Variants in VAT1L observed in about 807,000 individuals in gnomAD.
VAT1L encodes vesicle amine transport 1 like.
Under a neutral mutation model 44.1 loss-of-function variants are expected in VAT1L, and 34 were observed. The observed-to-expected ratio is 0.77, with a 90% confidence interval of 0.59 to 1.03. The LOEUF is 1.03. VAT1L is among the 50% of genes least tolerant of loss of function. VAT1L has a pLI of 0.00. For synonymous variants in VAT1L, 253 were observed against 202.2 expected (o/e 1.25, Z -2.13); for missense variants, 615 against 538.8 (o/e 1.14, Z -1.40).
At chr16:77,961,425 C>G (rs2018159092) in intron 7 of VAT1L, among the ~76,000 whole-genome samples, 1 of 152,162 alleles carries the variant, frequency 6.6e-6, no homozygotes, top group South Asian at 2.1e-4. Flanking sequence ...ACTCCTGGCT[C>G]TCAGATCCCT....
chr16:77,860,799 G>A (rs1179959103), intron 3 of VAT1L, among the ~76,000 whole-genome samples: 1 of 152,202 alleles, frequency 6.6e-6, no homozygotes, highest in Non-Finnish European at 1.5e-5. Context: ...AGCCTGTCCA[G>A]AGTCTCAGGT....
At chr16:77,864,352 G>A (rs138256180) in intron 4 of VAT1L, among the ~76,000 whole-genome samples, 1 of 152,292 alleles carries the variant, frequency 6.6e-6, no homozygotes, top group African/African-American at 2.4e-5. Context: ...CAGCACTTTG[G>A]GAGGCCAAGG....
At position 77,923,955 on chromosome 16, in the gene VAT1L, C is replaced by A. The variant is rs763556206; in HGVS notation, c.1077+39153C>A. On this transcript the variant is annotated intron_variant, in intron 7 of 8. Transcript: ENST00000302536. ...CATGGTCTGGGGTCTGCCTTCCCCC[C>A]CTCCCTTCCCCCAGTAAAGATGAGG... Among the ~76,000 whole-genome samples the A allele has an allele frequency of 1.4e-4, 21 of 152,182 alleles. 1 individual carries two copies. Among genetic ancestry groups the A allele is most frequent in the East Asian group, 1.4e-3 (7 of 5,166 alleles).
intron 7 of VAT1L, among the ~76,000 whole-genome samples, chr16:77,959,933 C>G (rs2018144002): frequency 1.3e-5 from 2 of 152,076 alleles, no homozygotes; most frequent in African/African-American, 4.8e-5. Context: ...AGGCCATTGG[C>G]TTTTTTCAGT....
intron 7 of VAT1L, among the ~76,000 whole-genome samples, chr16:77,889,619 A>T (rs150672030): frequency 5.6e-4 from 86 of 152,384 alleles, no homozygotes; most frequent in Non-Finnish European, 9.7e-4. Context: ...ATCCTATTTT[A>T]GAATATAAAA....
chr16:77,962,003 G>A (rs868303821), intron 7 of VAT1L, among the ~76,000 whole-genome samples: 29 of 152,244 alleles, frequency 1.9e-4, no homozygotes, highest in African/African-American at 6.3e-4. Context: ...GAGTATCATA[G>A]TCCTCCTGGT....
Position 77,836,678 on chromosome 16 carries a change from A to G in VAT1L, c.579+11217A>G, listed in dbSNP as rs192510874. On this transcript the variant is annotated intron_variant, in intron 3 of 8. Transcript: ENST00000302536. ...TCATAGCAGCAAAATGCCTTAGGTT[A>G]AAAATATGTAAATATATAGATCTAA... 1.1e-3 allele frequency among the ~76,000 whole-genome samples: 160 copies of G among 152,334 alleles called. 1 individual carries two copies. Among genetic ancestry groups the G allele is most frequent in the Non-Finnish European group, 1.7e-3 (116 of 68,040 alleles).
intron 7 of VAT1L, among the ~76,000 whole-genome samples, chr16:77,964,162 C>G (rs747539070): frequency 3.7e-4 from 57 of 152,282 alleles, no homozygotes; most frequent in Middle Eastern, 3.4e-3. Flanking sequence ...TTGCTCAGCT[C>G]TTTCTGTGGC....
At chr16:77,944,010 T>C (rs919335866) in intron 7 of VAT1L, among the ~76,000 whole-genome samples, 21 of 152,142 alleles carry the variant, frequency 1.4e-4, no homozygotes, top group African/African-American at 5.1e-4. Context: ...CTCCCATTTC[T>C]AACGCTACAT....
At chr16:77,802,230 A>G (rs1246802589) in intron 1 of VAT1L, among the ~76,000 whole-genome samples, 1 of 152,026 alleles carries the variant, frequency 6.6e-6, no homozygotes. Context: ...TTCCTTTTGT[A>G]TCCTTAAGAT....
In VAT1L at chr16:77,952,337, G is replaced by C. The variant is rs538318848; in HGVS notation, c.1078-19513G>C. 3.8e-4 allele frequency among the ~76,000 whole-genome samples: 58 copies of C among 152,296 alleles called. 1 individual carries two copies. The highest frequency in any genetic ancestry group is 1.3e-3 in the African/African-American group (55 of 41,572). ...GTGAAATGTAATCCCCAACGTTGGA[G>C]ATGGGGCCTAGTGGGAGGTGTTCGG... On this transcript the variant is annotated intron_variant, in intron 7 of 8. Transcript: ENST00000302536.
chr16:77,968,850 G>C (rs1053536767), intron 7 of VAT1L, among the ~76,000 whole-genome samples: 3 of 151,762 alleles, frequency 2.0e-5, no homozygotes, highest in Non-Finnish European at 2.9e-5. Context: ...AGACAGTCTC[G>C]CTCTGTTGCC....
intron 7 of VAT1L, among the ~76,000 whole-genome samples, chr16:77,885,866 G>T (rs973018743): frequency 1.3e-5 from 2 of 152,112 alleles, no homozygotes; most frequent in African/African-American, 4.8e-5. Flanking sequence ...CTCTTTGGGG[G>T]TCACTGTATA....
At position 77,971,947 on chromosome 16, in the gene VAT1L, A is replaced by G. The variant is rs2018282813; in HGVS notation, c.1161+14A>G. 1 of 1,611,934 alleles carries G rather than the reference A, an allele frequency of 6.2e-7. No individual in the cohort carries two copies. The highest frequency in any genetic ancestry group is 1.3e-5 in the African/African-American group (1 of 74,884). ...CCAACTCCACTGGTGAGTGAAAAGC[A>G]GAGGAGTCTGTTCAGTTCCACGCGA... On this transcript the variant is annotated intron_variant, in intron 8 of 8. Transcript: ENST00000302536.
At position 77,879,287 on chromosome 16, in the gene VAT1L, GT is replaced by G; in HGVS notation, c.882+68del. On this transcript the variant is annotated intron_variant, in intron 6 of 8. Coordinates refer to ENST00000302536, the MANE Select transcript of VAT1L (RefSeq NM_020927.3). This position sits in a 1 kb window ranked among gnomAD's most constrained non-coding sequence, Gnocchi z 4.1. The stretch of plus-strand genomic sequence containing the variant: ...TGTTGATTCACATGTTGAGAGCTTT[GT>G]TTTTGTTTGTTTGTTTGTTTTGAGA... 1 of 1,541,892 alleles carries G rather than the reference GT, an allele frequency of 6.5e-7. No homozygotes were observed. The highest frequency in any genetic ancestry group is 9.0e-7 in the Non-Finnish European group (1 of 1,115,698).
chr16:77,929,602 G>C (rs886697428), intron 7 of VAT1L, among the ~76,000 whole-genome samples: 6 of 152,164 alleles, frequency 3.9e-5, no homozygotes, highest in Non-Finnish European at 8.8e-5. Context: ...TTTTCAGGAC[G>C]GAGAGGGTGA....
At chr16:77,814,356 T>C (rs541045516) in intron 1 of VAT1L, among the ~76,000 whole-genome samples, 7 of 152,312 alleles carry the variant, frequency 4.6e-5, no homozygotes, top group African/African-American at 1.7e-4. Flanking sequence ...ATAGGGGGCA[T>C]TCTCCATGAC....
chr16:77,853,557 T>G (rs1448869247), intron 3 of VAT1L, among the ~76,000 whole-genome samples: 2 of 152,082 alleles, frequency 1.3e-5, no homozygotes, highest in African/African-American at 4.8e-5. Flanking sequence ...GTGCCAGTGA[T>G]TTACCATGAT....
At chr16:77,880,970 T>C (rs1179254947) in intron 6 of VAT1L, among the ~76,000 whole-genome samples, 1 of 152,190 alleles carries the variant, frequency 6.6e-6, no homozygotes, top group Non-Finnish European at 1.5e-5. Flanking sequence ...GGTGTATACG[T>C]CTCACATTTT....
Sources: allele counts gnomAD v4.1 joint callset (sites outside exome capture counted in the v4.1 genomes callset), GRCh38; gene constraint gnomAD v4.1.1; non-coding constraint Gnocchi (gnomAD v3.1); transcripts MANE v1.5; gene names NCBI Gene and HGNC (gene_info 2026-07-23, HGNC 2026-07-21).